The following ASH2L variants were observed in gnomAD, a reference collection of about 807,000 sequenced individuals.
ASH2L encodes set1/Ash2 histone methyltransferase complex subunit ASH2.
Under a neutral mutation model 81.1 loss-of-function variants are expected in ASH2L, and 30 were observed. That is an observed-to-expected ratio of 0.37 (90% CI 0.28 to 0.50). The LOEUF (loss-of-function observed/expected upper bound fraction) is 0.50. Ranked by LOEUF, ASH2L falls within the 20% of genes least tolerant of loss-of-function variation. The pLI is 0.95. For synonymous variants in ASH2L, 273 were observed against 279.9 expected, an observed-to-expected ratio of 0.98 and a Z score of 0.24; for missense variants, 559 against 792.1, an observed-to-expected ratio of 0.71 and a Z score of 3.53.
At position 38,110,672 on chromosome 8, in the gene ASH2L, G is replaced by A. The variant is rs1012250550; in HGVS notation, c.491-67G>A. On this transcript the variant is annotated intron_variant, in intron 4 of 15. Transcript: ENST00000343823. ...ATTGTTATTTTCTGGACCACTTATCGAGTATTCCCTTGGTAGTAGAGATGT... is the reference window on the plus strand; with the variant it reads ...ATTGTTATTTTCTGGACCACTTATCAAGTATTCCCTTGGTAGTAGAGATGT... 25 of 1,351,388 alleles carry A rather than the reference G, an allele frequency of 1.8e-5. No individual in the cohort carries two copies. The African/African-American group carries it at 2.0e-4, about 11-fold the overall frequency. The allele number at this position is 1,351,388 out of a possible 1,614,324, so 83.7% of individuals were successfully genotyped here.
At chr8:38,127,338 AAG>A (rs927978805) in intron 10 of ASH2L, among the ~76,000 whole-genome samples, 18 of 151,974 alleles carry the variant, frequency 1.2e-4, no homozygotes, top group African/African-American at 4.4e-4. Flanking sequence ...AAAAAAAAAA[AAG>A]TTAAATTTTT....
chr8:38,124,555 A>C (rs1234975488), intron 10 of ASH2L: 1 of 152,206 alleles, frequency 6.6e-6, no homozygotes, highest in Non-Finnish European at 1.5e-5. Context: ...TCACTCTGCC[A>C]CCCAGGCTGG....
intron 10 of ASH2L, among the ~76,000 whole-genome samples, chr8:38,125,062 G>A (rs1012553555): frequency 6.6e-6 from 1 of 152,000 alleles, no homozygotes; most frequent in Non-Finnish European, 1.5e-5. Context: ...CCCACATTCC[G>A]CATTAATCTG....
rs759279929 is a variant in ASH2L, at chr8:38,133,564, G to A, written c.1620+18G>A. ...ATAGTGAGGTGAGTCATGGCCATAA[G>A]AACATTAGAATCATAAGGCCTTGAG... On this transcript the variant is annotated intron_variant, in intron 13 of 15. Transcript: ENST00000343823. The A allele has an allele frequency of 1.3e-6, 2 of 1,563,288 alleles. No homozygotes were observed. Among genetic ancestry groups the A allele is most frequent in the Admixed American group, 3.8e-5 (2 of 53,036 alleles).
At chr8:38,121,298 A>G (rs1811132160) in intron 10 of ASH2L, 149 bp downstream of exon 10, 2 of 452,984 alleles carry the variant, frequency 4.4e-6, no homozygotes, top group Non-Finnish European at 7.7e-6. Context: ...TGTGCAAGAA[A>G]TTCTGTTCCT....
chr8:38,111,560 A>G (rs114412721), intron 5 of ASH2L, among the ~76,000 whole-genome samples: 330 of 151,218 alleles, frequency 2.2e-3, no homozygotes, highest in African/African-American at 8.0e-3. Flanking sequence ...GCTAGTTTTT[A>G]TGGTTTTTTT....
In ASH2L at chr8:38,139,418, A is replaced by AT; in HGVS notation, c.*350dup. The AT allele has an allele frequency of 5.6e-6, 1 of 179,616 alleles. No individual in the cohort carries two copies. The highest frequency in any genetic ancestry group is 1.2e-5 in the Non-Finnish European group (1 of 85,720). 11.1% of individuals were successfully genotyped at this position (179,616 alleles called of 1,614,324 possible). On this transcript the variant is annotated 3_prime_UTR_variant, in exon 16 of 16. Transcript: ENST00000343823. ...ATAATATTGTCCGAGTAACTAACTT[A>AT]TTTAAAAGACATTTCCTTCTGTGGG... is the stretch of plus-strand genomic sequence containing the variant.
intron 9 of ASH2L, among the ~76,000 whole-genome samples, 183 bp downstream of exon 9, chr8:38,119,546 G>A (rs928101715): frequency 6.6e-6 from 1 of 152,068 alleles, no homozygotes; most frequent in Non-Finnish European, 1.5e-5. Context: ...TGGCTCATGC[G>A]TGTAATCCCA....
chr8:38,138,799 A>G lies in ASH2L; in HGVS notation c.1720-17A>G. The G allele has an allele frequency of 6.2e-7, 1 of 1,611,182 alleles. No individual in the cohort carries two copies. Among genetic ancestry groups the G allele is most frequent in the Non-Finnish European group, 8.5e-7 (1 of 1,179,036 alleles). ...TGTCCATTTTTTCCATGTCTGCTTGAATTGAATTCGCTCCAGGTTTCCATT... is the reference window on the plus strand; with the variant it reads ...TGTCCATTTTTTCCATGTCTGCTTGGATTGAATTCGCTCCAGGTTTCCATT... On this transcript the variant is annotated splice_polypyrimidine_tract_variant and intron_variant, in intron 14 of 15. Coordinates refer to ENST00000343823, the MANE Select transcript of ASH2L (RefSeq NM_004674.5).
rs769885517 is a variant in ASH2L, at chr8:38,135,713, G to A, written c.1666G>A (p.Asp556Asn). The A allele has an allele frequency of 1.9e-6, 3 of 1,612,970 alleles. No individual in the cohort carries two copies. Among genetic ancestry groups the A allele is most frequent in the African/African-American group, 2.7e-5 (2 of 74,846 alleles). ...TGTCAATCAAGGTGTGGCTTACAAA[G>A]ATATTTTTGAGGGGGTTTACTTCCC... ...NGVNQGVAYKDIFEGVYFPAI... is the reference protein window; with the variant it reads ...NGVNQGVAYKNIFEGVYFPAI... The change falls in exon 14 of 16, where the codon GAT becomes AAT. Residue 556 changes from aspartate (D) to asparagine (N), a missense_variant. Transcript: ENST00000343823.
At chr8:38,105,835 C>A in intron 1 of ASH2L, 97 bp downstream of exon 1, 1 of 1,449,488 alleles carries the variant, frequency 6.9e-7, no homozygotes, top group Non-Finnish European at 9.1e-7. Flanking sequence ...CCCTGCGAAC[C>A]CAGGCCCCGC....
chr8:38,120,307 A>G (rs1029328672), intron 9 of ASH2L, among the ~76,000 whole-genome samples: 1 of 152,102 alleles, frequency 6.6e-6, no homozygotes, highest in Non-Finnish European at 1.5e-5. Flanking sequence ...GAGTGAAACC[A>G]GTGTTGAATG....
chr8:38,135,004 G>A (rs930168526), intron 13 of ASH2L, among the ~76,000 whole-genome samples: 13 of 151,552 alleles, frequency 8.6e-5, no homozygotes, highest in Admixed American at 1.3e-4. Context: ...AAACAAGCAC[G>A]CTTAAACAGG....
intron 13 of ASH2L, among the ~76,000 whole-genome samples, chr8:38,135,313 G>A (rs745630611): frequency 6.6e-6 from 1 of 152,068 alleles, no homozygotes; most frequent in Non-Finnish European, 1.5e-5. Flanking sequence ...GCTGGATATG[G>A]TGGTGTATGC....
rs1810388446 is a variant in ASH2L at position 38,105,681 on chromosome 8, G to C, written c.131G>C (p.Gly44Ala). Residue 44 changes from glycine (G) to alanine (A), a missense_variant, in exon 1 of 16, where the codon GGA becomes GCA. Physicochemically the swap from Gly to Ala is moderately conservative, Grantham distance 60 (BLOSUM62 0). Around this residue, in one of 4 missense-constraint regions of ASH2L, gnomAD observed 145 missense variants for 115.5 expected, o/e 1.26. Coordinates refer to ENST00000343823, the MANE Select transcript of ASH2L (RefSeq NM_004674.5). ...GCAGCGGGAGCAGCCGCTCCTCCTG[G>C]AGAGGGGATCTCTGCTGCTCCGACA... ...PVAAGAAAPP[G>A]EGISAAPTVE... 2 of 1,587,242 alleles carry C rather than the reference G, an allele frequency of 1.3e-6. No homozygotes were observed. Among genetic ancestry groups the C allele is most frequent in the Middle Eastern group, 1.9e-4 (1 of 5,172 alleles).
Position 38,121,003 on chromosome 8 carries a change from G to T in ASH2L, c.1019G>T (p.Gly340Val). 6.2e-7 allele frequency: 1 copy of T among 1,613,582 alleles called. No homozygotes were observed. The highest frequency in any genetic ancestry group is 8.5e-7 in the Non-Finnish European group (1 of 1,179,902). The change falls in exon 10 of 16, where the codon GGC (glycine) becomes GTC (valine). Residue 340 changes from glycine to valine, a missense_variant. Gly to Val is a moderately radical substitution (Grantham distance 109). This residue lies in a region of ASH2L where 318 missense variants were observed against 527.0 expected (regional missense o/e 0.60). Transcript: ENST00000343823. ...YPLEHPFNKD[G>V]YRYILAEPDP... The stretch of plus-strand genomic sequence containing the variant: ...TTGGAACACCCGTTTAACAAAGATG[G>T]CTATCGGTATATTCTAGCTGAGCCT...
intron 10 of ASH2L, chr8:38,124,362 C>G (rs578221512): frequency 6.6e-5 from 10 of 152,112 alleles, no homozygotes; most frequent in African/African-American, 2.4e-4. Flanking sequence ...CACATCACTG[C>G]ACCCAGCTAA....
rs376315831 is a variant in ASH2L at position 38,106,476 on chromosome 8, T to C, written c.255+32T>C. The C allele has an allele frequency of 2.6e-5, 40 of 1,547,062 alleles. No individual in the cohort carries two copies. The African/African-American group carries it at 5.2e-4, about 20-fold the overall frequency. ...ATTTTTAGTTGTTTGCAAGACAAAA[T>C]AGGGTTTGTTTTAGTTATTTCTTCT... On this transcript the variant is annotated intron_variant, in intron 2 of 15. Coordinates refer to ENST00000343823, the MANE Select transcript of ASH2L (RefSeq NM_004674.5).
intron 7 of ASH2L, 130 bp downstream of exon 7, chr8:38,115,130 C>A (rs547233443): frequency 1.6e-4 from 103 of 627,968 alleles, no homozygotes; most frequent in Non-Finnish European, 2.7e-4. Context: ...TGGTGGACTC[C>A]AAAAAAATAG....
Sources: gnomAD v4.1 joint callset for allele counts (sites outside exome capture counted in the v4.1 genomes callset) on GRCh38, gnomAD v4.1.1 for gene constraint, gnomAD v4.1.1 regional missense constraint, MANE v1.5 for transcripts, NCBI Gene and HGNC (gene_info 2026-07-23, HGNC 2026-07-21) for gene names.